Variants in CACNA2D1 observed in about 807,000 individuals in gnomAD.
CACNA2D1 encodes calcium voltage-gated channel auxiliary subunit alpha2delta 1, also known as voltage-dependent calcium channel subunit alpha-2/delta-1.
A neutral mutation model predicts 171.5 loss-of-function variants in CACNA2D1; 53 were observed. That is an observed-to-expected ratio of 0.31 (90% CI 0.25 to 0.39). The LOEUF is 0.39. Among genes scored for constraint, CACNA2D1 ranks in the 10% least tolerant of loss-of-function variants. CACNA2D1 has a pLI of 1.00. For synonymous variants in CACNA2D1, 442 were observed against 443.1 expected, an observed-to-expected ratio of 1.00 and a Z score of 0.03; for missense variants, 903 against 1,299.8, an observed-to-expected ratio of 0.69 and a Z score of 4.69.
At chr7:81,964,165 G>C in intron 33 of CACNA2D1, 42 bp downstream of exon 33, 1 of 1,610,554 alleles carries the variant, frequency 6.2e-7, no homozygotes, top group East Asian at 2.2e-5. Context: ...GAGGACACTT[G>C]AGTACCCCTT....
intron 1 of CACNA2D1, among the ~76,000 whole-genome samples, chr7:82,373,175 C>A (rs1822610434): frequency 2.0e-5 from 3 of 151,974 alleles, no homozygotes; most frequent in Non-Finnish European, 4.4e-5. Flanking sequence ...CAGAGTGAGA[C>A]ACTGTCTCAA....
At chr7:82,374,254 G>C (rs1184943047) in intron 1 of CACNA2D1, among the ~76,000 whole-genome samples, 1 of 152,186 alleles carries the variant, frequency 6.6e-6, no homozygotes, top group African/African-American at 2.4e-5. Context: ...AGGGAGTCAT[G>C]CTTTCACCAT....
At chr7:82,279,895 T>C (rs1421863985) in intron 3 of CACNA2D1, among the ~76,000 whole-genome samples, 1 of 152,200 alleles carries the variant, frequency 6.6e-6, no homozygotes, top group Non-Finnish European at 1.5e-5. Flanking sequence ...CAGGTAATTT[T>C]CACACAATCT....
At position 82,066,285 on chromosome 7, in the gene CACNA2D1, T is replaced by C. The variant is rs957072820; in HGVS notation, c.728+170A>G. Among the ~76,000 whole-genome samples the C allele has an allele frequency of 1.2e-4, 19 of 152,274 alleles. 1 individual carries two copies. Among genetic ancestry groups the C allele is most frequent in the African/African-American group, 4.6e-4 (19 of 41,564 alleles). On this transcript the variant is annotated intron_variant, in intron 8 of 38. Transcript: ENST00000356860. ...ACCTATATTAATTAGCATTACCCACTTGAACTCATCATTTTCATTTACCTT... is the reference window on the plus strand; with the variant it reads ...ACCTATATTAATTAGCATTACCCACCTGAACTCATCATTTTCATTTACCTT...
At chr7:82,351,956 G>A (rs1446031893) in intron 1 of CACNA2D1, among the ~76,000 whole-genome samples, 4 of 151,706 alleles carry the variant, frequency 2.6e-5, no homozygotes, top group Non-Finnish European at 5.9e-5. Context: ...CCTTTAGCTC[G>A]AAACTGAGAG....
intron 24 of CACNA2D1, among the ~76,000 whole-genome samples, chr7:81,980,336 A>G (rs1300436383): frequency 6.6e-6 from 1 of 152,086 alleles, no homozygotes; most frequent in Non-Finnish European, 1.5e-5. Flanking sequence ...ACGACTACTC[A>G]ACCCTGTCTT....
At chr7:81,958,245 AT>A (rs1158331259) in intron 38 of CACNA2D1, among the ~76,000 whole-genome samples, 2 of 152,000 alleles carry the variant, frequency 1.3e-5, no homozygotes, top group Admixed American at 6.6e-5. Flanking sequence ...TCTTTGTGCT[AT>A]TTTTAATTTA....
At position 82,120,934 on chromosome 7, in the gene CACNA2D1, A is replaced by G. The variant is rs554600111; in HGVS notation, c.397-3761T>C. 3.2e-3 allele frequency among the ~76,000 whole-genome samples: 489 copies of G among 152,054 alleles called. 6 individuals carry two copies. Among genetic ancestry groups the G allele is most frequent in the South Asian group, 0.028 (135 of 4,814 alleles). Reference sequence around the variant, plus strand: ...CTTTAAACATTACTTTTTAATATACAGTATTACATTACTCTGTTATGGCTA... The same window carrying G: ...CTTTAAACATTACTTTTTAATATACGGTATTACATTACTCTGTTATGGCTA... On this transcript the variant is annotated intron_variant, in intron 5 of 38. Transcript: ENST00000356860.
intron 3 of CACNA2D1, among the ~76,000 whole-genome samples, chr7:82,209,440 T>G (rs750025903): frequency 1.2e-4 from 19 of 152,114 alleles, no homozygotes; most frequent in Non-Finnish European, 2.4e-4. Context: ...AGAGCCACAA[T>G]AGACCTTGGT....
intron 3 of CACNA2D1, among the ~76,000 whole-genome samples, chr7:82,314,532 T>C (rs1415469441): frequency 1.3e-5 from 2 of 152,192 alleles, no homozygotes; most frequent in Admixed American, 6.5e-5. Context: ...CAAGAAAGTA[T>C]AACATTAGTG....
At chr7:82,387,517 A>C (rs574949479) in intron 1 of CACNA2D1, among the ~76,000 whole-genome samples, 1 of 152,216 alleles carries the variant, frequency 6.6e-6, no homozygotes, top group Non-Finnish European at 1.5e-5. Flanking sequence ...CAAATGTTTA[A>C]TCATGCTGGG....
At chr7:82,277,203 T>A (rs1387527582) in intron 3 of CACNA2D1, among the ~76,000 whole-genome samples, 6 of 152,154 alleles carry the variant, frequency 3.9e-5, no homozygotes, top group African/African-American at 1.4e-4. Context: ...AATTGCGTTT[T>A]GCCTTTTCTT....
intron 3 of CACNA2D1, among the ~76,000 whole-genome samples, chr7:82,283,396 T>C (rs1324236333): frequency 2.0e-5 from 3 of 152,224 alleles, no homozygotes; most frequent in Non-Finnish European, 4.4e-5. Flanking sequence ...AGCATCTAAA[T>C]AGCTTATGAT....
chr7:81,989,570 G>C (rs535862089), intron 21 of CACNA2D1, among the ~76,000 whole-genome samples: 1 of 152,282 alleles, frequency 6.6e-6, no homozygotes, highest in East Asian at 1.9e-4. Context: ...TCATCTACGA[G>C]AGTCCTAAAA....
intron 1 of CACNA2D1, among the ~76,000 whole-genome samples, chr7:82,427,240 T>A (rs1308547651): frequency 1.3e-5 from 2 of 152,084 alleles, no homozygotes; most frequent in East Asian, 1.9e-4. Flanking sequence ...AACATCAAAC[T>A]TCATGATTTT....
chr7:82,013,328 C>A, intron 14 of CACNA2D1, 133 bp downstream of exon 14: 1 of 260,362 alleles, frequency 3.8e-6, no homozygotes, highest in Non-Finnish European at 7.3e-6. Context: ...ACAAGATACT[C>A]AGTATTTTAA....
chr7:81,951,925 T>G (rs1250511183), intron 38 of CACNA2D1, among the ~76,000 whole-genome samples: 35 of 149,260 alleles, frequency 2.3e-4, no homozygotes, highest in Non-Finnish European at 4.4e-4. Flanking sequence ...CTGTTTTCCA[T>G]AGTGGTTGTA....
intron 3 of CACNA2D1, among the ~76,000 whole-genome samples, chr7:82,268,627 A>T (rs1427294828): frequency 6.6e-6 from 1 of 152,094 alleles, no homozygotes; most frequent in African/African-American, 2.4e-5. Context: ...AATGTTGAGA[A>T]ATTATTTGGG....
intron 2 of CACNA2D1, among the ~76,000 whole-genome samples, chr7:82,345,818 GT>G (rs1819187211): frequency 6.6e-6 from 1 of 151,830 alleles, no homozygotes; most frequent in Admixed American, 6.6e-5. Context: ...TGTCTAAAAT[GT>G]TTTAAATGTG....
Sources: gnomAD v4.1 joint callset for allele counts (sites outside exome capture counted in the v4.1 genomes callset) on GRCh38, gnomAD v4.1.1 for gene constraint, MANE v1.5 for transcripts, NCBI Gene and HGNC (gene_info 2026-07-23, HGNC 2026-07-21) for gene names.